CDKN2C: variants seen among roughly 807,000 people sequenced by gnomAD.
CDKN2C encodes cyclin-dependent kinase 4 inhibitor C.
A neutral mutation model predicts 11.0 loss-of-function variants in CDKN2C; 5 were observed. That is an observed-to-expected ratio of 0.45 (90% CI 0.24 to 0.95). The LOEUF (loss-of-function observed/expected upper bound fraction) is 0.95. Ranked by LOEUF, CDKN2C falls within the 40% of genes least tolerant of loss-of-function variation. The pLI, the probability that CDKN2C is intolerant of heterozygous loss-of-function variation, is 0.21. For synonymous variants in CDKN2C, 79 were observed against 88.3 expected (o/e 0.89, Z 0.59); for missense variants, 161 against 211.9 (o/e 0.76, Z 1.49).
At chr1:50,966,738 TAAAAA>T (rs34594257), upstream of CDKN2C, among the ~76,000 whole-genome samples, 1 of 141,672 alleles carries the variant, frequency 7.1e-6, no homozygotes, top group South Asian at 2.2e-4. Context: ...ACCAGAATGT[TAAAAA>T]AAAAAAAAAA....
chr1:50,969,341 C>G (rs1217432180), upstream of CDKN2C: 1 of 147,154 alleles, frequency 6.8e-6, no homozygotes, highest in East Asian at 2.0e-4. The surrounding 1 kb of genome is among the most constrained non-coding windows in gnomAD (Gnocchi z 6.6). Flanking sequence ...GCGGGAAGTT[C>G]CCGGGGGGGC....
chr1:50,966,216 T>C (rs1478849415), upstream of CDKN2C, among the ~76,000 whole-genome samples: 1 of 152,072 alleles, frequency 6.6e-6, no homozygotes, highest in African/African-American at 2.4e-5. Context: ...TTTTTTTTTG[T>C]ATTTTTAGTG....
At chr1:50,973,077 A>C (rs982093418) in intron 1 of CDKN2C, among the ~76,000 whole-genome samples, 2 of 152,168 alleles carry the variant, frequency 1.3e-5, no homozygotes, top group Non-Finnish European at 2.9e-5. Flanking sequence ...ATAATTTCCT[A>C]CTGTGATACA....
intron 1 of CDKN2C, among the ~76,000 whole-genome samples, chr1:50,973,655 T>C (rs573033840): frequency 6.6e-6 from 1 of 152,354 alleles, no homozygotes; most frequent in African/African-American, 2.4e-5. Flanking sequence ...CAATTTATCC[T>C]ACTTTTGGGC....
intron 1 of CDKN2C, among the ~76,000 whole-genome samples, chr1:50,963,254 C>G (rs1035760463): frequency 6.6e-6 from 1 of 152,160 alleles, no homozygotes; most frequent in Non-Finnish European, 1.5e-5. Flanking sequence ...TAATCTCCCC[C>G]CAAAGGTTGA....
chr1:50,969,345 G>C (rs1325727614), upstream of CDKN2C: 2 of 112,380 alleles, frequency 1.8e-5, no homozygotes, highest in East Asian at 2.4e-4. The surrounding 1 kb of genome is among the most constrained non-coding windows in gnomAD (Gnocchi z 6.6). Flanking sequence ...GAAGTTCCCG[G>C]GGGGGCTGCC....
upstream of CDKN2C, chr1:50,968,393 C>G (rs2147955143): frequency 6.6e-6 from 1 of 152,508 alleles, no homozygotes; most frequent in East Asian, 1.9e-4. Context: ...ATAACAAACC[C>G]CTGTCCTCGC....
In CDKN2C at chr1:50,970,551, CG is replaced by C. The variant is rs1233029391; in HGVS notation, c.129+57del. The stretch of plus-strand genomic sequence containing the variant: ...AGTCAATAATGTTGCCTACGTGACC[CG>C]GGTTTCTAGATTTACAGCTTTTAAG... On this transcript the variant is annotated intron_variant, in intron 1 of 1. Coordinates refer to ENST00000371761, the MANE Select transcript of CDKN2C (RefSeq NM_078626.3). The C allele has an allele frequency of 2.5e-6, 4 of 1,602,698 alleles. No individual in the cohort carries two copies. In the African/African-American group the frequency reaches 5.3e-5, roughly 21 times the overall value.
intron 1 of CDKN2C, among the ~76,000 whole-genome samples, chr1:50,962,146 C>T (rs1474343981): frequency 1.3e-5 from 2 of 152,190 alleles, no homozygotes; most frequent in East Asian, 1.9e-4. Flanking sequence ...TTTGGGAGGC[C>T]GAGGCAGGCA....
chr1:50,974,626 A>G lies in CDKN2C; in HGVS notation c.*356A>G, dbSNP rs907020268. ...GCTTTTGTCTAATTAAAACACTTTC[A>G]AAACAGGACAACATTTTTCTGTGAT... On this transcript the variant is annotated 3_prime_UTR_variant, in exon 2 of 2. Coordinates refer to ENST00000371761, the MANE Select transcript of CDKN2C (RefSeq NM_078626.3). 8.2e-5 allele frequency: 21 copies of G among 256,092 alleles called. No homozygotes were observed. In the Admixed American group the frequency reaches 9.8e-4, roughly 12 times the overall value. 15.9% of individuals were successfully genotyped at this position (256,092 alleles called of 1,614,324 possible). A position where few individuals can be genotyped will look rare whatever the true frequency, so the allele number is the denominator to read the frequency against.
chr1:50,971,258 A>C (rs959511638), intron 1 of CDKN2C, among the ~76,000 whole-genome samples: 1 of 152,210 alleles, frequency 6.6e-6, no homozygotes, highest in Non-Finnish European at 1.5e-5. Context: ...CTTAGGTGAA[A>C]GGCTTAGAAA....
chr1:50,972,093 T>C (rs1056009771), intron 1 of CDKN2C, among the ~76,000 whole-genome samples: 1 of 152,156 alleles, frequency 6.6e-6, no homozygotes. Context: ...TTCAAAAGCC[T>C]TTTCCACCTT....
intron 1 of CDKN2C, among the ~76,000 whole-genome samples, chr1:50,961,651 T>A (rs1645324245): frequency 1.3e-5 from 2 of 152,248 alleles, no homozygotes; most frequent in Non-Finnish European, 2.9e-5. Flanking sequence ...GAAATCATCA[T>A]GTAGCATGAA....
chr1:50,971,667 A>G (rs1348817767), intron 1 of CDKN2C, among the ~76,000 whole-genome samples: 1 of 152,208 alleles, frequency 6.6e-6, no homozygotes, highest in Non-Finnish European at 1.5e-5. Flanking sequence ...TATATTGAAA[A>G]GTTTCCTTTT....
At chr1:50,971,238 T>G (rs1234545896) in intron 1 of CDKN2C, among the ~76,000 whole-genome samples, 1 of 152,246 alleles carries the variant, frequency 6.6e-6, no homozygotes. Flanking sequence ...TTCTGAATGT[T>G]ATCATGTAAC....
chr1:50,968,838 C>T (rs1645363127), upstream of CDKN2C: 1 of 152,044 alleles, frequency 6.6e-6, no homozygotes, highest in Non-Finnish European at 1.5e-5. Flanking sequence ...TGAGAGGCAA[C>T]AGAAGCAGCA....
chr1:50,974,335 TTAA>T lies in CDKN2C; in HGVS notation c.*67_*69del. Reference sequence around the variant, plus strand: ...ATTAACTGAGTAGCTCTCCTGACTTTTAATGTCATTTGTTAAAATACAGTTCTG... The same window carrying T: ...ATTAACTGAGTAGCTCTCCTGACTTTTGTCATTTGTTAAAATACAGTTCTG... On this transcript the variant is annotated 3_prime_UTR_variant, in exon 2 of 2. Transcript: ENST00000371761. 1.4e-6 allele frequency: 2 copies of T among 1,456,396 alleles called. No individual in the cohort carries two copies. The highest frequency in any genetic ancestry group is 2.8e-5 in the South Asian group (2 of 71,330). 90.2% of individuals were successfully genotyped at this position (1,456,396 alleles called of 1,614,324 possible). A position where few individuals can be genotyped will look rare whatever the true frequency, so the allele number is the denominator to read the frequency against.
At chr1:50,962,059 A>C (rs1645327346) in intron 1 of CDKN2C, among the ~76,000 whole-genome samples, 1 of 152,230 alleles carries the variant, frequency 6.6e-6, no homozygotes, top group African/African-American at 2.4e-5. Flanking sequence ...CATGAATCAA[A>C]ATGTCTTGCT....
Position 50,970,397 on chromosome 1 carries a change from C to T in CDKN2C, c.29C>T (p.Ala10Val). 1 of 1,614,074 alleles carries T rather than the reference C, an allele frequency of 6.2e-7. No homozygotes were observed. Among genetic ancestry groups the T allele is most frequent in the Non-Finnish European group, 8.5e-7 (1 of 1,179,998 alleles). MAEPWGNEL[A>V]SAAARGDLEQ... Reference sequence around the variant, plus strand: ...GCCGAGCCTTGGGGGAACGAGTTGGCGTCCGCAGCTGCCAGGGGGGACCTA... The same window carrying T: ...GCCGAGCCTTGGGGGAACGAGTTGGTGTCCGCAGCTGCCAGGGGGGACCTA... The change falls in exon 1 of 2, where the codon GCG becomes GTG. Residue 10 changes from alanine (A) to valine (V), a missense_variant. Ala to Val is a moderately conservative substitution (Grantham distance 64). Transcript: ENST00000371761.
Sources: gnomAD v4.1 joint callset for allele counts (sites outside exome capture counted in the v4.1 genomes callset) on GRCh38, gnomAD v4.1.1 for gene constraint, Gnocchi (gnomAD v3.1) non-coding constraint, MANE v1.5 for transcripts, NCBI Gene and HGNC (gene_info 2026-07-23, HGNC 2026-07-21) for gene names.